Variants in PCGF6 observed in about 807,000 individuals in gnomAD.
PCGF6 encodes the protein polycomb group RING finger protein 6.
In PCGF6, 24 loss-of-function variants were observed where a neutral mutation model predicts 45.5. The ratio of observed to expected loss-of-function variants is 0.53; its 90% CI spans 0.38 to 0.74. PCGF6 has a LOEUF of 0.74. PCGF6 is among the 30% of genes least tolerant of loss of function. PCGF6 has a pLI of 0.00. For synonymous variants in PCGF6, 152 were observed against 162.1 expected, an observed-to-expected ratio of 0.94 and a Z score of 0.47; for missense variants, 356 against 443.2, an observed-to-expected ratio of 0.80 and a Z score of 1.77.
intron 3 of PCGF6, 68 bp downstream of exon 3, chr10:103,348,648 C>T: frequency 2.5e-6 from 3 of 1,194,428 alleles, no homozygotes; most frequent in South Asian, 1.5e-5. Flanking sequence ...TTTATTCCAA[C>T]TATATAACTT....
chr10:103,344,207 T>A (rs939492316), intron 6 of PCGF6, among the ~76,000 whole-genome samples: 4 of 151,304 alleles, frequency 2.6e-5, no homozygotes, highest in Non-Finnish European at 5.9e-5. Context: ...CAATGCTACA[T>A]ATTGCTTAGG....
intron 9 of PCGF6, among the ~76,000 whole-genome samples, chr10:103,305,346 C>T (rs987669094): frequency 6.6e-6 from 1 of 152,070 alleles, no homozygotes; most frequent in Non-Finnish European, 1.5e-5. Context: ...TCTTGGCTCA[C>T]TGCAACCTCC....
chr10:103,311,181 G>A (rs539732511), intron 9 of PCGF6, among the ~76,000 whole-genome samples: 128 of 152,034 alleles, frequency 8.4e-4, no homozygotes, highest in Non-Finnish European at 1.6e-3. Context: ...TTGCTCTGCC[G>A]TCCAGGCTGA....
At chr10:103,304,068 G>A in intron 9 of PCGF6, 107 bp from the exon 10 acceptor site, 2 of 801,798 alleles carry the variant, frequency 2.5e-6, no homozygotes, top group Non-Finnish European at 4.1e-6. Flanking sequence ...ACACTAAGGT[G>A]AAATTCTTTA....
At chr10:103,329,089 G>C (rs1008407281) in intron 7 of PCGF6, among the ~76,000 whole-genome samples, 1 of 151,248 alleles carries the variant, frequency 6.6e-6, no homozygotes, top group Non-Finnish European at 1.5e-5. Context: ...ACCCAGGCTG[G>C]AGTGCAGTGG....
At chr10:103,336,217 G>C (rs2093256624) in intron 6 of PCGF6, among the ~76,000 whole-genome samples, 2 of 151,136 alleles carry the variant, frequency 1.3e-5, no homozygotes, top group Admixed American at 6.6e-5. Context: ...CTGGGCAACA[G>C]AGTGAGACTG....
At chr10:103,339,449 C>A (rs1243938119) in intron 6 of PCGF6, among the ~76,000 whole-genome samples, 1 of 151,506 alleles carries the variant, frequency 6.6e-6, no homozygotes, top group African/African-American at 2.4e-5. Flanking sequence ...CCATCATAAC[C>A]AACAATTTCT....
chr10:103,344,178 A>G (rs2093291185), intron 6 of PCGF6, among the ~76,000 whole-genome samples: 1 of 152,018 alleles, frequency 6.6e-6, no homozygotes, highest in Non-Finnish European at 1.5e-5. Flanking sequence ...AAAGTATACC[A>G]TTTCAAGTTT....
intron 3 of PCGF6, 31 bp downstream of exon 3, chr10:103,348,685 A>G (rs1482840742): frequency 2.1e-6 from 3 of 1,410,698 alleles, no homozygotes; most frequent in Non-Finnish European, 2.9e-6. Context: ...GTATATTTAA[A>G]ATACAATTGT....
chr10:103,318,904 T>G (rs2093186159), intron 8 of PCGF6, among the ~76,000 whole-genome samples: 1 of 152,196 alleles, frequency 6.6e-6, no homozygotes, highest in Non-Finnish European at 1.5e-5. Context: ...CAGGCCCTTC[T>G]AACGACAGCA....
intron 9 of PCGF6, among the ~76,000 whole-genome samples, chr10:103,311,544 A>T (rs1186694393): frequency 6.7e-6 from 1 of 150,232 alleles, no homozygotes; most frequent in African/African-American, 2.5e-5. Context: ...CCGGGCTTGA[A>T]GCGATTCTCC....
chr10:103,327,761 G>A (rs973414845), intron 7 of PCGF6, among the ~76,000 whole-genome samples: 1 of 151,176 alleles, frequency 6.6e-6, no homozygotes, highest in Non-Finnish European at 1.5e-5. Context: ...TGCAAGCTCC[G>A]CCTCCCGGGT....
intron 6 of PCGF6, among the ~76,000 whole-genome samples, chr10:103,337,784 G>GTGGTGCATGT (rs1295760117): frequency 1.5e-4 from 17 of 111,432 alleles, no homozygotes; most frequent in South Asian, 4.1e-4. Flanking sequence ...AAAATTAGCG[G>GTGGTGCATGT]CCGGGCGCGG....
At chr10:103,304,322 A>G (rs1490503073) in intron 9 of PCGF6, among the ~76,000 whole-genome samples, 1 of 151,802 alleles carries the variant, frequency 6.6e-6, no homozygotes, top group Non-Finnish European at 1.5e-5. Context: ...CGTATGTATC[A>G]TATGCATGTA....
chr10:103,336,452 A>T (rs2093257691), intron 6 of PCGF6, among the ~76,000 whole-genome samples: 1 of 152,164 alleles, frequency 6.6e-6, no homozygotes, highest in African/African-American at 2.4e-5. Context: ...ATAAAATAAA[A>T]CATCCCATTC....
chr10:103,314,339 A>G, intron 8 of PCGF6, 67 bp from the exon 9 acceptor site: 7 of 915,612 alleles, frequency 7.6e-6, no homozygotes, highest in Non-Finnish European at 1.0e-5. Flanking sequence ...AAATGAGGAA[A>G]ACAAATCAAC....
chr10:103,310,599 GA>G (rs1485420729), intron 9 of PCGF6, among the ~76,000 whole-genome samples: 1 of 151,540 alleles, frequency 6.6e-6, no homozygotes, highest in Admixed American at 6.6e-5. Flanking sequence ...GTGAGGACAA[GA>G]AAAAAAGATA....
intron 3 of PCGF6, 105 bp downstream of exon 3, chr10:103,348,611 A>T: frequency 1.1e-6 from 1 of 877,292 alleles, no homozygotes; most frequent in Non-Finnish European, 1.7e-6. Context: ...GGCATTAGCC[A>T]CTGAACCCAT....
intron 8 of PCGF6, among the ~76,000 whole-genome samples, chr10:103,324,624 G>A (rs946901270): frequency 6.6e-6 from 1 of 151,718 alleles, no homozygotes; most frequent in Non-Finnish European, 1.5e-5. Flanking sequence ...GCCAGGTGTG[G>A]TGGCACAGGC....
Sources: allele counts gnomAD v4.1 joint callset (sites outside exome capture counted in the v4.1 genomes callset), GRCh38; gene constraint gnomAD v4.1.1; transcripts MANE v1.5; gene names NCBI Gene and HGNC (gene_info 2026-07-23, HGNC 2026-07-21).